The following MED12L variants were observed in gnomAD, a reference collection of about 807,000 sequenced individuals.
The protein encoded by MED12L is mediator complex subunit 12L, also known as mediator of RNA polymerase II transcription subunit 12-like protein.
In MED12L, 60 loss-of-function variants were observed where a neutral mutation model predicts 281.3. That is an observed-to-expected ratio of 0.21 (90% CI 0.17 to 0.26). The LOEUF (loss-of-function observed/expected upper bound fraction) is 0.26, where lower values mean the gene tolerates loss of function less well. MED12L is among the 10% of genes least tolerant of loss of function. The probability of loss-of-function intolerance (pLI) is 1.00; values close to 1 mark genes in which losing one functional copy is unlikely to be tolerated. For synonymous variants in MED12L, 974 were observed against 987.2 expected (o/e 0.99, Z 0.25); for missense variants, 2,146 against 2,680.9 (o/e 0.80, Z 4.41).
chr3:151,195,805 A>G (rs1724567980), intron 16 of MED12L, among the ~76,000 whole-genome samples: 1 of 152,264 alleles, frequency 6.6e-6, no homozygotes, highest in African/African-American at 2.4e-5. Flanking sequence ...CATTTACATT[A>G]GAGAAAACTG....
At chr3:151,346,570 T>A (rs1752566741) in intron 16 of MED12L, among the ~76,000 whole-genome samples, 1 of 152,216 alleles carries the variant, frequency 6.6e-6, no homozygotes, top group Admixed American at 6.5e-5. Flanking sequence ...TTGTGACTTC[T>A]TAACCTCACT....
intron 2 of MED12L, among the ~76,000 whole-genome samples, chr3:151,115,427 C>G (rs1712605042): frequency 7.2e-6 from 1 of 139,608 alleles, no homozygotes. Context: ...CGGCTCACTT[C>G]AACCTCCGCC....
chr3:151,324,006 T>C (rs995047232), intron 16 of MED12L, among the ~76,000 whole-genome samples: 1 of 151,442 alleles, frequency 6.6e-6, no homozygotes, highest in Admixed American at 6.6e-5. Flanking sequence ...TGAGGAATTC[T>C]GCTAAGTCTG....
chr3:151,409,168 T>C (rs935791732), intron 39 of MED12L, 75 bp from the exon 40 acceptor site: 3 of 1,144,162 alleles, frequency 2.6e-6, no homozygotes, highest in Non-Finnish European at 3.8e-6. Flanking sequence ...TGTGGGTTAT[T>C]TGGATTATTA....
rs537368308 is a variant in MED12L, at chr3:151,372,557, T to C, written c.3665-10T>C. 5.6e-6 allele frequency: 9 copies of C among 1,611,258 alleles called. No individual in the cohort carries two copies. In the East Asian group the frequency reaches 1.6e-4, roughly 28 times the overall value. On this transcript the variant is annotated splice_polypyrimidine_tract_variant and intron_variant, in intron 26 of 44. Transcript: ENST00000687756. ...TTCTGTGATTTTGCTTTTGTGATTC[T>C]ATTACTTAGGAGATGCCAAAATTGG...
At chr3:151,290,480 T>G (rs748304712) in intron 16 of MED12L, among the ~76,000 whole-genome samples, 14 of 152,198 alleles carry the variant, frequency 9.2e-5, no homozygotes, top group Non-Finnish European at 1.6e-4. Context: ...TATTTAACAC[T>G]GGTAGTCTTA....
intron 16 of MED12L, among the ~76,000 whole-genome samples, chr3:151,289,619 T>A (rs1743987730): frequency 6.6e-6 from 1 of 152,226 alleles, no homozygotes; most frequent in South Asian, 2.1e-4. Context: ...AGGGGCTGAT[T>A]TACATTCTTT....
chr3:151,282,359 T>G (rs6777903), intron 16 of MED12L, among the ~76,000 whole-genome samples: 3,972 of 79,392 alleles, frequency 0.05, 81 homozygotes, highest in African/African-American at 0.15. Context: ...TTTTTTTTTG[T>G]TTTTTTTTGT....
chr3:151,270,023 T>A, intron 16 of MED12L: 1 of 240,888 alleles, frequency 4.2e-6, no homozygotes, highest in Non-Finnish European at 8.1e-6. Flanking sequence ...AGATAAATGA[T>A]GAAGAAGGAT....
At chr3:151,103,778 G>C (rs1257818485) in intron 2 of MED12L, among the ~76,000 whole-genome samples, 1 of 152,294 alleles carries the variant, frequency 6.6e-6, no homozygotes, top group Admixed American at 6.5e-5. Flanking sequence ...GTTTAAGTTT[G>C]TTGGAATCAC....
intron 32 of MED12L, among the ~76,000 whole-genome samples, 179 bp downstream of exon 32, chr3:151,380,403 C>T (rs1712053614): frequency 1.3e-5 from 2 of 152,124 alleles, no homozygotes; most frequent in African/African-American, 2.4e-5. Context: ...TCGAGACCAG[C>T]CTGGCCAACA....
At chr3:151,185,560 C>T (rs535546778) in intron 12 of MED12L, 99 bp downstream of exon 12, 2 of 1,309,084 alleles carry the variant, frequency 1.5e-6, no homozygotes, top group South Asian at 1.7e-5. Context: ...TATTCTTTTG[C>T]TCTTGAGGAA....
In MED12L at chr3:151,086,977, C is replaced by G. The variant is rs748801230; in HGVS notation, c.51C>G (p.Pro17=). 4.4e-5 allele frequency: 71 copies of G among 1,610,258 alleles called. No homozygotes were observed. The highest frequency in any genetic ancestry group is 3.6e-5 in the Non-Finnish European group (42 of 1,179,050). ...LSYEQRPLKR[P]RLGPPDVYPQ... is the part of the protein sequence containing the mutation. ...ATGAGCAGAGACCGCTGAAGCGCCC[C>G]CGGCTCGGGCCGCCCGACGTCTACC... The change falls in exon 2 of 45, where the codon CCC becomes CCG. Residue 17 remains proline (P), a synonymous_variant. Coordinates refer to ENST00000687756, the MANE Select transcript of MED12L (RefSeq NM_001393769.1).
intron 16 of MED12L, among the ~76,000 whole-genome samples, chr3:151,219,960 T>G (rs1422590681): frequency 6.8e-6 from 1 of 146,528 alleles, no homozygotes; most frequent in Non-Finnish European, 1.5e-5. Flanking sequence ...ACAATTCATC[T>G]TAGCCATGAA....
Position 151,128,476 on chromosome 3 carries a change from C to T in MED12L, c.556+492C>T, listed in dbSNP as rs377301071. ...CCAGTGAAGTCATCGCTGATCTGCCCCCACCCCCGGCTCCCCCCCTTCCTG... is the reference window on the plus strand; with the variant it reads ...CCAGTGAAGTCATCGCTGATCTGCCTCCACCCCCGGCTCCCCCCCTTCCTG... On this transcript the variant is annotated intron_variant, in intron 5 of 44. Coordinates refer to ENST00000687756, the MANE Select transcript of MED12L (RefSeq NM_001393769.1). Among the ~76,000 whole-genome samples, 509 of 152,142 alleles carry T rather than the reference C, an allele frequency of 3.3e-3. 4 individuals carry two copies. Among genetic ancestry groups the T allele is most frequent in the Middle Eastern group, 0.014 (4 of 294 alleles).
chr3:151,161,345 G>A (rs973191372), intron 8 of MED12L, among the ~76,000 whole-genome samples: 20 of 152,310 alleles, frequency 1.3e-4, no homozygotes, highest in Admixed American at 9.8e-4. Context: ...TTGGCTACTT[G>A]TGTGGATTCG....
intron 16 of MED12L, among the ~76,000 whole-genome samples, chr3:151,307,560 TG>T (rs1746862531): frequency 6.6e-6 from 1 of 150,958 alleles, no homozygotes; most frequent in East Asian, 2.0e-4. Flanking sequence ...TGTGTGTGTG[TG>T]TGTGTGTGTG....
At chr3:151,218,448 T>G (rs142761522) in intron 16 of MED12L, among the ~76,000 whole-genome samples, 24 of 152,246 alleles carry the variant, frequency 1.6e-4, no homozygotes, top group African/African-American at 5.3e-4. Context: ...TCTGGTATTA[T>G]CACTGAATTT....
At chr3:151,398,344 G>A (rs1216289133) in intron 39 of MED12L, among the ~76,000 whole-genome samples, 1 of 152,222 alleles carries the variant, frequency 6.6e-6, no homozygotes, top group Non-Finnish European at 1.5e-5. Context: ...TTTCTGTCTA[G>A]TGGGGGAAGT....
Sources: gnomAD v4.1 joint callset for allele counts (sites outside exome capture counted in the v4.1 genomes callset) on GRCh38, gnomAD v4.1.1 for gene constraint, MANE v1.5 for transcripts, NCBI Gene and HGNC (gene_info 2026-07-23, HGNC 2026-07-21) for gene names.